Variants in BNC2 observed in about 807,000 individuals in gnomAD.
BNC2 encodes basonuclin zinc finger protein 2.
A neutral mutation model predicts 76.3 loss-of-function variants in BNC2; 20 were observed. That is an observed-to-expected ratio of 0.26 (90% CI 0.18 to 0.38). The LOEUF is 0.38. Ranked by LOEUF, BNC2 falls within the 10% of genes least tolerant of loss-of-function variation. The probability of loss-of-function intolerance (pLI) is 1.00; values close to 1 mark genes in which losing one functional copy is unlikely to be tolerated. For missense variants in BNC2, 1,382 were observed against 1,399.8 expected (o/e 0.99, Z 0.20); for synonymous variants, 582 against 514.8 (o/e 1.13, Z -1.77).
chr9:16,539,170 C>T (rs1043589631), intron 5 of BNC2, among the ~76,000 whole-genome samples: 3 of 152,056 alleles, frequency 2.0e-5, no homozygotes, highest in Non-Finnish European at 4.4e-5. Flanking sequence ...AATACATTTT[C>T]CTGAATCCTC....
chr9:16,765,994 A>C (rs1051179131), intron 1 of BNC2, among the ~76,000 whole-genome samples: 4 of 151,936 alleles, frequency 2.6e-5, no homozygotes, highest in East Asian at 1.9e-4. Context: ...TCACCGTGTT[A>C]GCCAGGATGT....
intron 1 of BNC2, among the ~76,000 whole-genome samples, chr9:16,839,961 ACACAGCTG>A (rs1274027129): frequency 6.6e-6 from 1 of 152,220 alleles, no homozygotes; most frequent in African/African-American, 2.4e-5. Context: ...CCCAAGCAAG[ACACAGCTG>A]CAGGATTCTC....
chr9:16,562,457 G>C (rs76818041), intron 4 of BNC2, among the ~76,000 whole-genome samples: 3,108 of 152,256 alleles, frequency 0.02, 68 homozygotes, highest in South Asian at 0.1. Context: ...GGTGTGGATA[G>C]AAATGTTACC....
chr9:16,862,617 C>T (rs756988843), intron 1 of BNC2, among the ~76,000 whole-genome samples: 60 of 152,192 alleles, frequency 3.9e-4, no homozygotes, highest in Non-Finnish European at 7.5e-4. Context: ...AGAACAAGTG[C>T]AGGATACCTG....
At chr9:16,487,139 A>G (rs1822181671) in intron 5 of BNC2, among the ~76,000 whole-genome samples, 1 of 152,268 alleles carries the variant, frequency 6.6e-6, no homozygotes, top group South Asian at 2.1e-4. Flanking sequence ...TAAAGGCAAG[A>G]CAGTAAGCCT....
rs1820655766 is a variant in BNC2, at chr9:16,614,958, T to TTAAAAAAAAA, written c.331-31874_331-31873insTTTTTTTTTA. On this transcript the variant is annotated intron_variant, in intron 3 of 6. Coordinates refer to ENST00000380672, the MANE Select transcript of BNC2 (RefSeq NM_017637.6). Reference sequence around the variant, plus strand: ...ATGACAGAGTGAGACTCTGTCTCTTTAAAAAAAAAAAAAAAAAAAAAAAAA... The same window carrying TTAAAAAAAAA: ...ATGACAGAGTGAGACTCTGTCTCTTTTAAAAAAAAAAAAAAAAAAAAAAAAAAAAAAAAAA... Among the ~76,000 whole-genome samples the TTAAAAAAAAA allele has an allele frequency of 9.6e-5, 6 of 62,520 alleles. 1 individual carries two copies. The highest frequency in any genetic ancestry group is 4.0e-4 in the African/African-American group (6 of 15,154). The allele number at this position is 62,520 out of a possible 152,430, so 41.0% of individuals were successfully genotyped here. A position where few individuals can be genotyped will look rare whatever the true frequency, so the allele number is the denominator to read the frequency against.
At chr9:16,622,524 C>T (rs913442537) in intron 3 of BNC2, among the ~76,000 whole-genome samples, 1 of 152,124 alleles carries the variant, frequency 6.6e-6, no homozygotes, top group African/African-American at 2.4e-5. Context: ...GATTGCAATC[C>T]ATTTGGTCAG....
At chr9:16,776,822 C>G (rs1402226720) in intron 1 of BNC2, among the ~76,000 whole-genome samples, 7 of 152,160 alleles carry the variant, frequency 4.6e-5, no homozygotes, top group Non-Finnish European at 1.0e-4. Context: ...AGGAATCATT[C>G]TTTAAAAGAT....
At chr9:16,864,783 G>GT (rs1434482054) in intron 1 of BNC2, among the ~76,000 whole-genome samples, 3 of 152,076 alleles carry the variant, frequency 2.0e-5, no homozygotes, top group Non-Finnish European at 4.4e-5. Context: ...TCTAATAACT[G>GT]TGACAGTGGG....
intron 1 of BNC2, among the ~76,000 whole-genome samples, chr9:16,848,283 T>C (rs1028935122): frequency 2.0e-5 from 3 of 152,152 alleles, no homozygotes; most frequent in Admixed American, 6.5e-5. Flanking sequence ...AATCTACAAA[T>C]GAAATTCCAT....
intron 6 of BNC2, chr9:16,430,095 G>T: frequency 4.4e-6 from 2 of 453,102 alleles, no homozygotes; most frequent in Non-Finnish European, 8.9e-6. Context: ...CTCAGGAGGG[G>T]GATGTATTTT....
intron 3 of BNC2, among the ~76,000 whole-genome samples, chr9:16,656,127 T>C (rs1821923076): frequency 6.6e-6 from 1 of 152,150 alleles, no homozygotes. Context: ...CTGCTGAATA[T>C]CCCACAGTGT....
intron 1 of BNC2, among the ~76,000 whole-genome samples, chr9:16,851,721 A>C (rs144978273): frequency 1.0e-3 from 159 of 152,324 alleles, no homozygotes; most frequent in African/African-American, 3.5e-3. Context: ...CCAGTGAAGC[A>C]TCATTAACAA....
chr9:16,780,160 T>G (rs1342913819), intron 1 of BNC2, among the ~76,000 whole-genome samples: 1 of 121,136 alleles, frequency 8.3e-6, no homozygotes, highest in South Asian at 2.7e-4. Flanking sequence ...GGCGCGAACC[T>G]GGGAGGCGGA....
rs1361679602 is a variant in BNC2 at position 16,662,717 on chromosome 9, C to CA, written c.330+65079dup. 2.6e-5 allele frequency among the ~76,000 whole-genome samples: 4 copies of CA among 152,168 alleles called. No homozygotes were observed. The East Asian group carries it at 7.7e-4, about 29-fold the overall frequency. On this transcript the variant is annotated intron_variant, in intron 3 of 6. Transcript: ENST00000380672. ...GGCCACTGCACTCCAGCCTGGGTGA[C>CA]AGAGTGAGACTGTCTCAAAAAATAA... is the stretch of plus-strand genomic sequence containing the variant.
At chr9:16,717,285 T>A (rs973095876) in intron 3 of BNC2, among the ~76,000 whole-genome samples, 1 of 152,220 alleles carries the variant, frequency 6.6e-6, no homozygotes, top group African/African-American at 2.4e-5. Flanking sequence ...TTCTTTAAAA[T>A]GCCTTGTTGT....
rs1820486286 is a variant in BNC2 at position 16,412,647 on chromosome 9, C to T, written c.*6342G>A. The T allele has an allele frequency of 6.6e-6, 1 of 150,868 alleles. No individual in the cohort carries two copies. 9.3% of individuals were successfully genotyped at this position (150,868 alleles called of 1,614,324 possible). On this transcript the variant is annotated 3_prime_UTR_variant, in exon 7 of 7. Transcript: ENST00000380672. The stretch of plus-strand genomic sequence containing the variant: ...GCATCGAGAGGCAGCCTTGGGCTTC[C>T]CACAGATACAGTAGGTGTGTGTATG...
At chr9:16,481,960 G>A (rs1357706867) in intron 5 of BNC2, among the ~76,000 whole-genome samples, 5 of 152,156 alleles carry the variant, frequency 3.3e-5, no homozygotes, top group African/African-American at 1.2e-4. Context: ...ATCATTATGT[G>A]AATTATACTG....
intron 5 of BNC2, among the ~76,000 whole-genome samples, chr9:16,542,245 T>A (rs1445200838): frequency 1.3e-5 from 2 of 152,040 alleles, no homozygotes; most frequent in Non-Finnish European, 2.9e-5. Flanking sequence ...AAAATGACGA[T>A]GAGTTCGAGC....
Sources: gnomAD v4.1 joint callset for allele counts (sites outside exome capture counted in the v4.1 genomes callset) on GRCh38, gnomAD v4.1.1 for gene constraint, MANE v1.5 for transcripts, NCBI Gene and HGNC (gene_info 2026-07-23, HGNC 2026-07-21) for gene names.